The following ANK2 variants were observed in gnomAD, a reference collection of about 807,000 sequenced individuals.
ANK2 encodes ankyrin 2.
In ANK2, 83 loss-of-function variants were observed where a neutral mutation model predicts 360.5. That is an observed-to-expected ratio of 0.23 (90% CI 0.19 to 0.28). The LOEUF (loss-of-function observed/expected upper bound fraction) is 0.28. Ranked by LOEUF, ANK2 falls within the 10% of genes least tolerant of loss-of-function variation. The pLI, the probability that ANK2 is intolerant of heterozygous loss-of-function variation, is 1.00. For synonymous variants in ANK2, 1,740 were observed against 1,759.5 expected (o/e 0.99, Z 0.28); for missense variants, 4,201 against 4,795.7 (o/e 0.88, Z 3.66).
Position 113,353,225 on chromosome 4 carries a change from A to T in ANK2, c.4607A>T (p.Glu1536Val), listed in dbSNP as rs1218938524. The T allele has an allele frequency of 3.7e-6, 6 of 1,614,012 alleles. No homozygotes were observed. The South Asian group carries it at 6.6e-5, about 18-fold the overall frequency. ...SDKAGSIKVK[E>V]LVKAAEEEPG... ...AAGGCAGGTTCTATTAAAGTGAAGG[A>T]GCTGGTGAAGGCTGCTGAGGAAGAG... Residue 1536 changes from glutamate (E) to valine (V), a missense_variant, in exon 38 of 46, where the codon GAG (glutamate) becomes GTG (valine). Glu to Val is a moderately radical substitution (Grantham distance 121). Coordinates refer to ENST00000357077, the MANE Select transcript of ANK2 (RefSeq NM_001148.6).
At position 113,355,230 on chromosome 4, in the gene ANK2, C is replaced by G. The variant is rs765302693; in HGVS notation, c.6612C>G (p.Ser2204Arg). 9 of 1,614,070 alleles carry G rather than the reference C, an allele frequency of 5.6e-6. No homozygotes were observed. Among genetic ancestry groups the G allele is most frequent in the Non-Finnish European group, 7.6e-6 (9 of 1,179,964 alleles). The part of the protein sequence containing the change: ...QSGALDGSSE[S>R]LKNEGVAGSP... Reference sequence around the variant, plus strand: ...GTGCTTTAGATGGCAGTTCTGAAAGCCTAAAGAATGAGGGGGTAGCCGGCT... The same window carrying G: ...GTGCTTTAGATGGCAGTTCTGAAAGGCTAAAGAATGAGGGGGTAGCCGGCT... Residue 2204 changes from serine to arginine, a missense_variant, in exon 38 of 46, where the codon AGC becomes AGG. Coordinates refer to ENST00000357077, the MANE Select transcript of ANK2 (RefSeq NM_001148.6).
chr4:112,883,880 G>A (rs1560941247), intron 1 of ANK2, among the ~76,000 whole-genome samples: 1 of 148,278 alleles, frequency 6.7e-6, no homozygotes, highest in East Asian at 1.9e-4. Flanking sequence ...GTATATATAT[G>A]TATATATATG....
At chr4:112,814,453 G>T (rs1036922258), upstream of ANK2, among the ~76,000 whole-genome samples, 4 of 142,124 alleles carry the variant, frequency 2.8e-5, no homozygotes, top group African/African-American at 1.0e-4. Flanking sequence ...TTGTTTGTTT[G>T]TTTGTTTTTT....
intron 4 of ANK2, among the ~76,000 whole-genome samples, chr4:113,219,379 T>C (rs2099123466): frequency 6.6e-6 from 1 of 151,886 alleles, no homozygotes; most frequent in Admixed American, 6.6e-5. Context: ...TTTAAATTAA[T>C]TATGCATATA....
chr4:112,898,961 G>A (rs1241879676), intron 1 of ANK2, among the ~76,000 whole-genome samples: 1 of 151,826 alleles, frequency 6.6e-6, no homozygotes, highest in Non-Finnish European at 1.5e-5. Flanking sequence ...TGGCTGAGAG[G>A]CAGTGAAAGA....
intron 26 of ANK2, among the ~76,000 whole-genome samples, chr4:113,320,021 G>C (rs955298619): frequency 1.3e-5 from 2 of 152,138 alleles, no homozygotes; most frequent in Non-Finnish European, 2.9e-5. Context: ...AAGAATCTGT[G>C]CATGCCAATA....
At position 113,358,021 on chromosome 4, in the gene ANK2, G is replaced by A; in HGVS notation, c.9403G>A (p.Gly3135Ser). Residue 3135 changes from glycine to serine, a missense_variant, in exon 38 of 46, where the codon GGT (glycine) becomes AGT (serine). By Grantham distance (56) the Gly-to-Ser change is moderately conservative (BLOSUM62 0). Around this residue, in one of 4 missense-constraint regions of ANK2, gnomAD observed 2,642 missense variants for 2,714.5 expected, o/e 0.97. Coordinates refer to ENST00000357077, the MANE Select transcript of ANK2 (RefSeq NM_001148.6). Reference sequence around the variant, plus strand: ...TGAAAGTTTTCACTTTTTCCAAATTGGTCAAGAATCCAGGGAAGAGACTCT... The same window carrying A: ...TGAAAGTTTTCACTTTTTCCAAATTAGTCAAGAATCCAGGGAAGAGACTCT... The part of the protein sequence containing the change: ...ADESFHFFQI[G>S]QESREETLSE... The A allele has an allele frequency of 1.2e-6, 2 of 1,613,990 alleles. No individual in the cohort carries two copies. The highest frequency in any genetic ancestry group is 1.7e-6 in the Non-Finnish European group (2 of 1,179,952).
chr4:113,225,172 A>G (rs2099201517), intron 4 of ANK2, among the ~76,000 whole-genome samples: 1 of 152,088 alleles, frequency 6.6e-6, no homozygotes, highest in Admixed American at 6.6e-5. Flanking sequence ...AGACCTCCTA[A>G]TGTTCTCTCT....
At chr4:113,225,359 G>C (rs1411658026) in intron 4 of ANK2, among the ~76,000 whole-genome samples, 1 of 151,986 alleles carries the variant, frequency 6.6e-6, no homozygotes, top group Non-Finnish European at 1.5e-5. Flanking sequence ...CTTGAGAGCA[G>C]GACCCCCCAG....
chr4:113,069,500 A>T (rs1220399312), intron 1 of ANK2, among the ~76,000 whole-genome samples: 1 of 152,204 alleles, frequency 6.6e-6, no homozygotes, highest in African/African-American at 2.4e-5. Context: ...TAAGGTCATA[A>T]GAGTTCCATG....
chr4:112,721,949 T>C, the ANK2 span, among the ~76,000 whole-genome samples: 1 of 152,190 alleles, frequency 6.6e-6, no homozygotes, highest in African/African-American at 2.4e-5. Flanking sequence ...GTAATTTGCA[T>C]ATCTCACAAG....
chr4:113,141,912 A>C (rs2096648210), intron 1 of ANK2, among the ~76,000 whole-genome samples: 1 of 152,216 alleles, frequency 6.6e-6, no homozygotes, highest in Non-Finnish European at 1.5e-5. Flanking sequence ...ATGAAATAAT[A>C]ACAGTAAAAG....
rs2095534626 is a variant in ANK2 at position 113,353,342 on chromosome 4, A to G, written c.4724A>G (p.Glu1575Gly). 1 of 1,614,102 alleles carries G rather than the reference A, an allele frequency of 6.2e-7. No homozygotes were observed. Among genetic ancestry groups the G allele is most frequent in the African/African-American group, 1.3e-5 (1 of 75,058 alleles). The change falls in exon 38 of 46, where the codon GAA becomes GGA. Residue 1575 changes from glutamate (E) to glycine (G), a missense_variant. This residue lies in a region of ANK2 where 1,268 missense variants were observed against 1,650.8 expected (regional missense o/e 0.77). Coordinates refer to ENST00000357077, the MANE Select transcript of ANK2 (RefSeq NM_001148.6). ...ILRSGTCTRD[E>G]SSVQSSRSER... ...AGAAGTGGAACCTGCACAAGAGATG[A>G]AAGCAGTGTGCAGAGCTCTCGGTCT...
chr4:113,312,981 T>G (rs561125375), intron 24 of ANK2, among the ~76,000 whole-genome samples: 23 of 152,168 alleles, frequency 1.5e-4, no homozygotes, highest in Admixed American at 3.9e-4. Context: ...AAATAAAAAA[T>G]TTGAGAGTTT....
At chr4:112,769,456 C>T in the ANK2 span, among the ~76,000 whole-genome samples, 184 of 152,200 alleles carry the variant, frequency 1.2e-3, no homozygotes, top group East Asian at 0.017. Flanking sequence ...CTGTACTTAC[C>T]GAAGTTAGAC....
intron 1 of ANK2, among the ~76,000 whole-genome samples, chr4:112,897,800 C>T (rs2082179194): frequency 6.6e-6 from 1 of 152,166 alleles, no homozygotes; most frequent in South Asian, 2.1e-4. Flanking sequence ...GGTGTCAGCA[C>T]TCTTGTCTCT....
intron 2 of ANK2, among the ~76,000 whole-genome samples, chr4:113,186,606 T>TCTCTCC (rs1562729617): frequency 5.4e-5 from 7 of 129,448 alleles, no homozygotes; most frequent in African/African-American, 1.8e-4. Flanking sequence ...TCTCTCTCTC[T>TCTCTCC]CCCTCACTCA....
At chr4:113,162,541 G>C (rs1583462908) in intron 1 of ANK2, among the ~76,000 whole-genome samples, 1 of 152,190 alleles carries the variant, frequency 6.6e-6, no homozygotes, top group South Asian at 2.1e-4. Flanking sequence ...GGCTGGCTCT[G>C]TTTTCCACCT....
the ANK2 span, among the ~76,000 whole-genome samples, chr4:112,721,149 A>G: frequency 6.6e-6 from 1 of 152,146 alleles, no homozygotes; most frequent in Admixed American, 6.5e-5. Context: ...AAGGGGAGGG[A>G]CAGAGATGGA....
Sources: gnomAD v4.1 joint callset for allele counts (sites outside exome capture counted in the v4.1 genomes callset) on GRCh38, gnomAD v4.1.1 for gene constraint, gnomAD v4.1.1 regional missense constraint, MANE v1.5 for transcripts, NCBI Gene and HGNC (gene_info 2026-07-23, HGNC 2026-07-21) for gene names.